ABCC12: variants seen among roughly 807,000 people sequenced by gnomAD.
ABCC12 encodes the protein ATP binding cassette subfamily C member 12, also known as ATP-binding cassette sub-family C member 12.
A neutral mutation model predicts 151.1 loss-of-function variants in ABCC12; 142 were observed. The ratio of observed to expected loss-of-function variants is 0.94; its 90% CI spans 0.82 to 1.08. ABCC12 has a LOEUF of 1.08. Among genes scored for constraint, ABCC12 ranks in the 50% least tolerant of loss-of-function variants. The pLI, the probability that ABCC12 is intolerant of heterozygous loss-of-function variation, is 0.00. For synonymous variants in ABCC12, 645 were observed against 646.4 expected, an observed-to-expected ratio of 1.00 and a Z score of 0.03; for missense variants, 1,638 against 1,691.1, an observed-to-expected ratio of 0.97 and a Z score of 0.55.
intron 3 of ABCC12, among the ~76,000 whole-genome samples, chr16:48,145,749 C>T (rs573764591): frequency 2.0e-4 from 30 of 152,332 alleles, no homozygotes; most frequent in East Asian, 5.8e-4. Flanking sequence ...AGCCAACAGC[C>T]GGCCCACCTC....
intron 16 of ABCC12, 48 bp downstream of exon 16, chr16:48,111,728 G>A (rs2150618449): frequency 1.2e-6 from 2 of 1,613,986 alleles, no homozygotes; most frequent in East Asian, 2.2e-5. Flanking sequence ...ACGAAATCCT[G>A]AGGGATTCCG....
At chr16:48,103,760 C>T (rs1963384835) in intron 22 of ABCC12, among the ~76,000 whole-genome samples, 3 of 152,198 alleles carry the variant, frequency 2.0e-5, no homozygotes. Context: ...GCAGTGGGAA[C>T]CCCCGCCCCG....
intron 2 of ABCC12, chr16:48,146,814 T>C (rs1330993355): frequency 2.3e-5 from 5 of 215,622 alleles, no homozygotes; most frequent in African/African-American, 1.2e-4. Flanking sequence ...ATGGGTTTTC[T>C]TAGTATTACT....
chr16:48,099,143 G>C (rs773565633), intron 23 of ABCC12, among the ~76,000 whole-genome samples: 5 of 152,152 alleles, frequency 3.3e-5, no homozygotes, highest in Non-Finnish European at 7.4e-5. Context: ...ATTCCAGGCT[G>C]GTTGCAGTGG....
At chr16:48,142,855 A>G (rs1964865042) in intron 4 of ABCC12, among the ~76,000 whole-genome samples, 2 of 152,160 alleles carry the variant, frequency 1.3e-5, no homozygotes, top group South Asian at 4.1e-4. Context: ...GTGGGGGGTA[A>G]GAAGAGGTAC....
rs761837747 is a variant in ABCC12 at position 48,144,016 on chromosome 16, A to G, written c.169T>C (p.Phe57Leu). 1.9e-6 allele frequency: 3 copies of G among 1,614,178 alleles called. No individual in the cohort carries two copies. In the East Asian group the frequency reaches 6.7e-5, roughly 36 times the overall value. Reference protein sequence around the residue: ...DDAGLLSFATFSWLTPVMVKG... With the variant: ...DDAGLLSFATLSWLTPVMVKG... ...ACCATCACCGGCGTGAGCCAGGAAA[A>G]TGTGGCGAAGGAGAGTAGCCCGGCA... is the stretch of plus-strand genomic sequence containing the variant. Residue 57 changes from phenylalanine (F) to leucine (L), a missense_variant, in exon 4 of 31, where the codon TTT (phenylalanine) becomes CTT (leucine). By Grantham distance (22) the Phe-to-Leu change is conservative (BLOSUM62 0). Transcript: ENST00000311303.
intron 4 of ABCC12, among the ~76,000 whole-genome samples, chr16:48,141,902 G>T (rs980256535): frequency 6.6e-6 from 1 of 152,174 alleles, no homozygotes; most frequent in African/African-American, 2.4e-5. Flanking sequence ...AAGCCGATGT[G>T]ACAAGATCAT....
At chr16:48,147,645 A>C (rs1965045181) in intron 2 of ABCC12, among the ~76,000 whole-genome samples, 1 of 152,214 alleles carries the variant, frequency 6.6e-6, no homozygotes, top group Non-Finnish European at 1.5e-5. Flanking sequence ...AAGAGTATAT[A>C]GAGAATGAGT....
Position 48,082,634 on chromosome 16 carries a change from G to A in ABCC12, c.*1081C>T, listed in dbSNP as rs993222023. Among the ~76,000 whole-genome samples the A allele has an allele frequency of 6.6e-6, 1 of 152,172 alleles. No homozygotes were observed. On this transcript the variant is annotated 3_prime_UTR_variant, in exon 31 of 31. Coordinates refer to ENST00000311303, the MANE Select transcript of ABCC12 (RefSeq NM_001393797.1). ...TACAAGGGAAGTGGGGTGGGGGGTT[G>A]TGGTCTGGAAGCTTTGCTGACCACA...
intron 9 of ABCC12, among the ~76,000 whole-genome samples, chr16:48,133,397 G>A (rs1964496231): frequency 6.6e-6 from 1 of 151,900 alleles, no homozygotes; most frequent in South Asian, 2.1e-4. Flanking sequence ...GTGGTAGCAG[G>A]CACCTGTAAT....
intron 8 of ABCC12, among the ~76,000 whole-genome samples, chr16:48,135,135 C>T (rs966397345): frequency 6.6e-6 from 1 of 151,914 alleles, no homozygotes; most frequent in South Asian, 2.1e-4. Context: ...TTGCCTGTAA[C>T]TTCGCTTTCC....
chr16:48,092,551 G>C (rs537058928), intron 24 of ABCC12, among the ~76,000 whole-genome samples: 2 of 152,254 alleles, frequency 1.3e-5, no homozygotes, highest in Middle Eastern at 3.4e-3. Context: ...CACCAAGTGG[G>C]CTAGAGGCAG....
intron 13 of ABCC12, 142 bp from the exon 14 acceptor site, chr16:48,117,475 G>A (rs774609156): frequency 9.3e-5 from 75 of 804,840 alleles, no homozygotes; most frequent in Non-Finnish European, 1.4e-4. Flanking sequence ...CTGGCCAGTC[G>A]CTCTGCCTTC....
At position 48,140,926 on chromosome 16, in the gene ABCC12, A is replaced by G; in HGVS notation, c.424-6T>C. 1 of 1,612,088 alleles carries G rather than the reference A, an allele frequency of 6.2e-7. No homozygotes were observed. The highest frequency in any genetic ancestry group is 8.5e-7 in the Non-Finnish European group (1 of 1,178,580). On this transcript the variant is annotated splice_polypyrimidine_tract_variant and splice_region_variant and intron_variant, in intron 5 of 30. Coordinates refer to ENST00000311303, the MANE Select transcript of ABCC12 (RefSeq NM_001393797.1). ...ATTTGGTGAATGAGAACTGTCTGTA[A>G]AACAGCATGGTGGGGAGAAGAGAGG...
At chr16:48,100,312 G>A (rs754963916) in intron 23 of ABCC12, among the ~76,000 whole-genome samples, 1 of 152,204 alleles carries the variant, frequency 6.6e-6, no homozygotes, top group Non-Finnish European at 1.5e-5. Context: ...GAAGATGCCA[G>A]AGAGATTTAC....
At chr16:48,133,883 C>A (rs1181428662) in intron 8 of ABCC12, 48 bp from the exon 9 acceptor site, 3 of 1,607,142 alleles carry the variant, frequency 1.9e-6, no homozygotes, top group Admixed American at 3.4e-5. Context: ...GCATGTCGAA[C>A]ACTAGCATTA....
intron 23 of ABCC12, among the ~76,000 whole-genome samples, chr16:48,098,696 A>T (rs779909741): frequency 1.3e-5 from 2 of 152,236 alleles, no homozygotes; most frequent in Non-Finnish European, 2.9e-5. Context: ...TCAAATTGGA[A>T]TTTGACCTCT....
intron 13 of ABCC12, among the ~76,000 whole-genome samples, chr16:48,120,316 A>G (rs1050948314): frequency 2.6e-5 from 4 of 152,266 alleles, no homozygotes; most frequent in Middle Eastern, 3.4e-3. Flanking sequence ...GGGAATTCCA[A>G]AAGGATGGAG....
At chr16:48,095,390 C>T (rs1370453687) in intron 24 of ABCC12, among the ~76,000 whole-genome samples, 1 of 152,068 alleles carries the variant, frequency 6.6e-6, no homozygotes, top group Admixed American at 6.5e-5. Context: ...TAAAAATGAC[C>T]CAGTCTCAGG....
Sources: allele counts gnomAD v4.1 joint callset (sites outside exome capture counted in the v4.1 genomes callset), GRCh38; gene constraint gnomAD v4.1.1; transcripts MANE v1.5; gene names NCBI Gene and HGNC (gene_info 2026-07-23, HGNC 2026-07-21).